CTNNA2: variants seen among roughly 807,000 people sequenced by gnomAD.
The protein encoded by CTNNA2 is catenin alpha 2.
A neutral mutation model predicts 101.0 loss-of-function variants in CTNNA2; 42 were observed. That is an observed-to-expected ratio of 0.42 (90% confidence interval 0.32 to 0.54). The LOEUF (loss-of-function observed/expected upper bound fraction) is 0.54. Ranked by LOEUF, CTNNA2 falls within the 20% of genes least tolerant of loss-of-function variation. The probability of loss-of-function intolerance (pLI) is 0.14; values close to 1 mark genes in which losing one functional copy is unlikely to be tolerated. For missense variants in CTNNA2, 871 were observed against 1,223.1 expected, an observed-to-expected ratio of 0.71 and a Z score of 4.29; for synonymous variants, 450 against 456.4, an observed-to-expected ratio of 0.99 and a Z score of 0.18.
intron 6 of CTNNA2, among the ~76,000 whole-genome samples, chr2:79,883,089 T>C (rs1255581075): frequency 6.6e-6 from 1 of 152,110 alleles, no homozygotes; most frequent in African/African-American, 2.4e-5. Context: ...TAGGTTTCTT[T>C]TCAATGGGAG....
At chr2:80,481,095 T>C (rs969246684) in intron 9 of CTNNA2, among the ~76,000 whole-genome samples, 6 of 152,144 alleles carry the variant, frequency 3.9e-5, no homozygotes, top group African/African-American at 1.4e-4. Context: ...TTCCTTTTCA[T>C]TACTAATATA....
At chr2:79,433,857 C>T (rs894113805) in intron 4 of CTNNA2, among the ~76,000 whole-genome samples, 9 of 152,094 alleles carry the variant, frequency 5.9e-5, no homozygotes, top group Non-Finnish European at 8.8e-5. Flanking sequence ...ATCAGAATTT[C>T]GCACAAGACT....
chr2:79,631,225 T>C (rs1198276658), intron 1 of CTNNA2, among the ~76,000 whole-genome samples: 1 of 152,226 alleles, frequency 6.6e-6, no homozygotes, highest in Non-Finnish European at 1.5e-5. Context: ...GATTTTCCTT[T>C]TATCTGTCTG....
chr2:80,453,405 G>A (rs1182386559), intron 9 of CTNNA2, among the ~76,000 whole-genome samples: 1 of 151,910 alleles, frequency 6.6e-6, no homozygotes, highest in East Asian at 1.9e-4. Flanking sequence ...TGTGTTACTG[G>A]TACTGAACTT....
chr2:80,609,505 G>T (rs1021219951), intron 17 of CTNNA2, among the ~76,000 whole-genome samples: 1 of 151,604 alleles, frequency 6.6e-6, no homozygotes, highest in Admixed American at 6.6e-5. Flanking sequence ...AAATGATCCT[G>T]CTTCAACATT....
intron 7 of CTNNA2, among the ~76,000 whole-genome samples, chr2:80,015,115 T>A (rs1694051694): frequency 6.6e-6 from 1 of 152,232 alleles, no homozygotes; most frequent in Non-Finnish European, 1.5e-5. Context: ...AATGACATGC[T>A]TTCTGGCTGG....
At chr2:79,414,845 C>A (rs1420035119) in intron 4 of CTNNA2, among the ~76,000 whole-genome samples, 5 of 152,032 alleles carry the variant, frequency 3.3e-5, no homozygotes, top group Admixed American at 3.3e-4. Context: ...CAGCCCCAGC[C>A]AAGCCACCAG....
At chr2:80,395,563 GATGGAAC>G (rs1677934713) in intron 8 of CTNNA2, among the ~76,000 whole-genome samples, 1 of 152,178 alleles carries the variant, frequency 6.6e-6, no homozygotes, top group Non-Finnish European at 1.5e-5. Context: ...CACTTGGGCA[GATGGAAC>G]ATGCAATGAC....
intron 14 of CTNNA2, among the ~76,000 whole-genome samples, chr2:80,583,315 G>C (rs1046403344): frequency 2.6e-5 from 4 of 152,120 alleles, no homozygotes; most frequent in African/African-American, 9.7e-5. Flanking sequence ...ATGATGGTGG[G>C]ACAACAGAAA....
intron 4 of CTNNA2, among the ~76,000 whole-genome samples, chr2:79,481,277 TG>T (rs1671106970): frequency 1.3e-5 from 2 of 152,262 alleles, no homozygotes; most frequent in East Asian, 3.9e-4. Context: ...TCTAAAATTA[TG>T]TTCTCTCTGA....
chr2:80,553,657 G>T (rs1171540767), intron 11 of CTNNA2, among the ~76,000 whole-genome samples: 1 of 152,038 alleles, frequency 6.6e-6, no homozygotes, highest in Non-Finnish European at 1.5e-5. Context: ...TTGTATTACT[G>T]TTATACAAAG....
chr2:79,528,498 T>TTTGTGC (rs1358432356), intron 1 of CTNNA2, among the ~76,000 whole-genome samples: 3 of 152,098 alleles, frequency 2.0e-5, no homozygotes, highest in Non-Finnish European at 4.4e-5. Flanking sequence ...GCATATACTG[T>TTTGTGC]TTGTGCATAT....
intron 7 of CTNNA2, among the ~76,000 whole-genome samples, 182 bp downstream of exon 7, chr2:79,909,979 T>TTTTG (rs1232770451): frequency 1.3e-5 from 2 of 152,302 alleles, no homozygotes; most frequent in Non-Finnish European, 2.9e-5. Context: ...TGAATCCATT[T>TTTTG]TTTGTTTGTT....
intron 7 of CTNNA2, among the ~76,000 whole-genome samples, chr2:80,111,367 T>C (rs1701198954): frequency 6.6e-6 from 1 of 152,202 alleles, no homozygotes; most frequent in African/African-American, 2.4e-5. Context: ...ATTGGTTTGC[T>C]GCAATAAACA....
At chr2:80,035,118 CTA>C (rs34804259) in intron 7 of CTNNA2, among the ~76,000 whole-genome samples, 2,651 of 152,274 alleles carry the variant, frequency 0.017, 28 homozygotes, top group Middle Eastern at 0.088. Flanking sequence ...TGGCCCCTCC[CTA>C]TGTGTTATTT....
intron 4 of CTNNA2, among the ~76,000 whole-genome samples, chr2:79,428,364 G>A (rs1490833742): frequency 6.6e-6 from 1 of 152,002 alleles, no homozygotes; most frequent in East Asian, 1.9e-4. Flanking sequence ...CCACTCACCT[G>A]TAGGTATTTT....
chr2:80,231,541 A>T (rs1573461856), intron 7 of CTNNA2, among the ~76,000 whole-genome samples: 1 of 152,200 alleles, frequency 6.6e-6, no homozygotes, highest in African/African-American at 2.4e-5. Context: ...AAAACTTGAG[A>T]AACTATTTTA....
chr2:79,994,107 G>A (rs1692372950), intron 7 of CTNNA2, among the ~76,000 whole-genome samples: 1 of 152,060 alleles, frequency 6.6e-6, no homozygotes, highest in Non-Finnish European at 1.5e-5. Flanking sequence ...TTTAGAGACA[G>A]GGGTCTTACT....
At chr2:80,198,063 A>T (rs1268357200) in intron 7 of CTNNA2, among the ~76,000 whole-genome samples, 2 of 152,200 alleles carry the variant, frequency 1.3e-5, no homozygotes, top group East Asian at 1.9e-4. Context: ...TTAGAAAAGG[A>T]TTGATGCTTT....
Sources: allele counts gnomAD v4.1 joint callset (sites outside exome capture counted in the v4.1 genomes callset), GRCh38; gene constraint gnomAD v4.1.1; transcripts MANE v1.5; gene names NCBI Gene and HGNC (gene_info 2026-07-23, HGNC 2026-07-21).